Variants in IGF1R observed in about 807,000 individuals in gnomAD.
The protein encoded by IGF1R is insulin like growth factor 1 receptor, also known as insulin-like growth factor 1 receptor.
Under a neutral mutation model 144.6 loss-of-function variants are expected in IGF1R, and 44 were observed. The observed-to-expected ratio is 0.30, with a 90% CI of 0.24 to 0.39. IGF1R has a LOEUF of 0.39. Among genes scored for constraint, IGF1R ranks in the 10% least tolerant of loss-of-function variants. IGF1R has a pLI of 1.00. For synonymous variants in IGF1R, 795 were observed against 722.8 expected, an observed-to-expected ratio of 1.10 and a Z score of -1.60; for missense variants, 1,355 against 1,833.7, an observed-to-expected ratio of 0.74 and a Z score of 4.77.
intron 2 of IGF1R, among the ~76,000 whole-genome samples, chr15:98,740,796 G>C (rs1049925170): frequency 8.5e-5 from 13 of 152,258 alleles, no homozygotes; most frequent in African/African-American, 3.1e-4. Context: ...AAGGTGGCTG[G>C]CTTAGGAAAT....
intron 2 of IGF1R, among the ~76,000 whole-genome samples, chr15:98,790,560 C>T (rs1268218944): frequency 1.3e-5 from 2 of 151,970 alleles, no homozygotes; most frequent in Admixed American, 6.6e-5. Context: ...AGCCTCTGGG[C>T]GTGTTGTTTT....
intron 2 of IGF1R, among the ~76,000 whole-genome samples, chr15:98,724,631 G>A (rs1046112375): frequency 6.6e-6 from 1 of 152,210 alleles, no homozygotes; most frequent in Non-Finnish European, 1.5e-5. Context: ...CTCCAGCTCA[G>A]AGCAGGTCTG....
intron 20 of IGF1R, among the ~76,000 whole-genome samples, chr15:98,950,874 A>G (rs2016746212): frequency 6.6e-6 from 1 of 152,218 alleles, no homozygotes; most frequent in Non-Finnish European, 1.5e-5. Flanking sequence ...CATTGTCCCT[A>G]ATCAAACAAT....
At chr15:98,746,878 T>C (rs1024466365) in intron 2 of IGF1R, among the ~76,000 whole-genome samples, 2 of 152,204 alleles carry the variant, frequency 1.3e-5, no homozygotes, top group Non-Finnish European at 2.9e-5. Context: ...ATGGTGTCAG[T>C]AATTTCACTA....
chr15:98,847,517 G>C (rs745699685), intron 2 of IGF1R, among the ~76,000 whole-genome samples: 5 of 152,178 alleles, frequency 3.3e-5, no homozygotes, highest in African/African-American at 4.8e-5. Context: ...GGAAGTCCTT[G>C]TACCCACCAC....
intron 2 of IGF1R, among the ~76,000 whole-genome samples, chr15:98,776,223 C>T (rs961572382): frequency 1.2e-3 from 185 of 150,364 alleles, no homozygotes; most frequent in African/African-American, 4.4e-3. Context: ...CTTACTCTGT[C>T]GCCCAGGCTG....
At chr15:98,903,753 C>T (rs181508724) in intron 5 of IGF1R, among the ~76,000 whole-genome samples, 3 of 152,240 alleles carry the variant, frequency 2.0e-5, no homozygotes, top group Non-Finnish European at 4.4e-5. Flanking sequence ...AATAAAAAGA[C>T]GTGAAGTATG....
At chr15:98,664,689 T>C (rs1161022050) in intron 1 of IGF1R, among the ~76,000 whole-genome samples, 1 of 81,556 alleles carries the variant, frequency 1.2e-5, no homozygotes. Flanking sequence ...AGACTCCATG[T>C]CAAAAAAAAA....
intron 2 of IGF1R, among the ~76,000 whole-genome samples, chr15:98,886,590 T>C (rs888701592): frequency 1.3e-5 from 2 of 152,216 alleles, no homozygotes; most frequent in African/African-American, 4.8e-5. Context: ...TGTTTATTCA[T>C]GGAAGCCAGA....
At chr15:98,837,982 T>C (rs758307682) in intron 2 of IGF1R, among the ~76,000 whole-genome samples, 4 of 152,242 alleles carry the variant, frequency 2.6e-5, no homozygotes, top group Non-Finnish European at 5.9e-5. Flanking sequence ...TCTGTTGGCT[T>C]GCAAAGCCCA....
intron 2 of IGF1R, among the ~76,000 whole-genome samples, chr15:98,742,709 T>C (rs981275464): frequency 3.9e-5 from 6 of 152,230 alleles, no homozygotes; most frequent in African/African-American, 1.2e-4. Flanking sequence ...CAAAGTGATA[T>C]TGTTTTTACT....
chr15:98,775,987 C>A (rs1418472573), intron 2 of IGF1R, among the ~76,000 whole-genome samples: 6 of 152,120 alleles, frequency 3.9e-5, no homozygotes, highest in Non-Finnish European at 8.8e-5. Flanking sequence ...CTAGTATTTG[C>A]CAAGTACGCA....
At chr15:98,769,198 G>A (rs142251915) in intron 2 of IGF1R, among the ~76,000 whole-genome samples, 1 of 152,278 alleles carries the variant, frequency 6.6e-6, no homozygotes, top group East Asian at 1.9e-4. Flanking sequence ...TAAGCAAATA[G>A]CATCAAAGAG....
intron 2 of IGF1R, chr15:98,880,925 CAG>C (rs2013339066): frequency 6.6e-6 from 1 of 152,232 alleles, no homozygotes; most frequent in Non-Finnish European, 1.5e-5. Flanking sequence ...CAGAAAGACT[CAG>C]TGACCCACAG....
Position 98,673,449 on chromosome 15 carries a change from GCT to G in IGF1R, c.94+23780_94+23781del, listed in dbSNP as rs148594997. Among the ~76,000 whole-genome samples the G allele has an allele frequency of 3.8e-3, 575 of 152,284 alleles. 4 individuals carry two copies. Among genetic ancestry groups the G allele is most frequent in the African/African-American group, 0.013 (542 of 41,556 alleles). On this transcript the variant is annotated intron_variant, in intron 1 of 20. Coordinates refer to ENST00000650285, the MANE Select transcript of IGF1R (RefSeq NM_000875.5). ...CCCTCTTAGCTGTAGTCTTCTGGAG[GCT>G]CTCTCAATAATAGAAGTGGAAAGAA...
At chr15:98,823,018 C>T (rs1423194324) in intron 2 of IGF1R, among the ~76,000 whole-genome samples, 1 of 152,188 alleles carries the variant, frequency 6.6e-6, no homozygotes, top group Admixed American at 6.5e-5. Context: ...TCAGTTTTAA[C>T]TTACTCAAAG....
chr15:98,778,385 G>C (rs2055772764), intron 2 of IGF1R, among the ~76,000 whole-genome samples: 1 of 152,128 alleles, frequency 6.6e-6, no homozygotes, highest in African/African-American at 2.4e-5. Context: ...TGTGGGCTTG[G>C]GTTATAGTCA....
rs573281749 is a variant in IGF1R at position 98,673,530 on chromosome 15, C to A, written c.94+23855C>A. ...TTAGTTGTTTCATTTGCTTTTAAGG[C>A]AGAAACACCTTTAACTCTTAGTAGC... is the stretch of plus-strand genomic sequence containing the variant. On this transcript the variant is annotated intron_variant, in intron 1 of 20. Coordinates refer to ENST00000650285, the MANE Select transcript of IGF1R (RefSeq NM_000875.5). Among the ~76,000 whole-genome samples, 13 of 152,304 alleles carry A rather than the reference C, an allele frequency of 8.5e-5. No individual in the cohort carries two copies. The South Asian group carries it at 2.7e-3, about 32-fold the overall frequency.
At position 98,959,502 on chromosome 15, in the gene IGF1R, G is replaced by A. The variant is rs2151742539; in HGVS notation, c.*2060G>A. ...CGGCACCCTCAGGGCTGTGCCCGCT[G>A]GAGTGCTAGGTGGAGGCAGCACAGA... is the stretch of plus-strand genomic sequence containing the variant. On this transcript the variant is annotated 3_prime_UTR_variant, in exon 21 of 21. Coordinates refer to ENST00000650285, the MANE Select transcript of IGF1R (RefSeq NM_000875.5). 2 of 233,682 alleles carry A rather than the reference G, an allele frequency of 8.6e-6. No individual in the cohort carries two copies. Among genetic ancestry groups the A allele is most frequent in the Non-Finnish European group, 1.7e-5 (2 of 118,088 alleles). 14.5% of individuals were successfully genotyped at this position (233,682 alleles called of 1,614,324 possible).
Sources: gnomAD v4.1 joint callset for allele counts (sites outside exome capture counted in the v4.1 genomes callset) on GRCh38, gnomAD v4.1.1 for gene constraint, MANE v1.5 for transcripts, NCBI Gene and HGNC (gene_info 2026-07-23, HGNC 2026-07-21) for gene names.